The following THRB variants were observed in gnomAD, a reference collection of about 807,000 sequenced individuals.
The protein encoded by THRB is thyroid hormone receptor beta.
In THRB, 12 loss-of-function variants were observed where a neutral mutation model predicts 47.8. That is an observed-to-expected ratio of 0.25 (90% confidence interval 0.16 to 0.41). The LOEUF is 0.41. Among genes scored for constraint, THRB ranks in the 10% least tolerant of loss-of-function variants. The probability of loss-of-function intolerance (pLI) is 1.00; values close to 1 mark genes in which losing one functional copy is unlikely to be tolerated. For synonymous variants in THRB, 218 were observed against 212.2 expected, an observed-to-expected ratio of 1.03 and a Z score of -0.24; for missense variants, 348 against 589.2, an observed-to-expected ratio of 0.59 and a Z score of 4.24.
chr3:24,155,818 A>G (rs1295286972), intron 5 of THRB, among the ~76,000 whole-genome samples: 1 of 152,198 alleles, frequency 6.6e-6, no homozygotes, highest in South Asian at 2.1e-4. Context: ...TACAGACACA[A>G]TCCTGGAAGC....
intron 1 of THRB, among the ~76,000 whole-genome samples, chr3:24,483,128 G>T (rs1560301782): frequency 6.6e-6 from 1 of 151,980 alleles, no homozygotes; most frequent in Non-Finnish European, 1.5e-5. Flanking sequence ...TAGAAGAAAA[G>T]ATTTTCTTTG....
intron 3 of THRB, among the ~76,000 whole-genome samples, chr3:24,231,457 C>A (rs1314798252): frequency 1.3e-5 from 2 of 151,922 alleles, no homozygotes; most frequent in African/African-American, 2.4e-5. Context: ...ACCAATTTTT[C>A]TGTTTAGTAC....
intron 3 of THRB, among the ~76,000 whole-genome samples, chr3:24,265,480 TTATTCAAAATTTTA>T: frequency 6.6e-6 from 1 of 152,220 alleles, no homozygotes; most frequent in Non-Finnish European, 1.5e-5. Context: ...ATATTTAAAT[TTATTCAAAATTTTA>T]TGTTCTAAGT....
At chr3:24,174,187 T>C (rs2040832544) in intron 5 of THRB, among the ~76,000 whole-genome samples, 1 of 152,152 alleles carries the variant, frequency 6.6e-6, no homozygotes, top group African/African-American at 2.4e-5. Context: ...GCCACATTTT[T>C]TTAATAGATG....
rs189206481 is a variant in THRB, at chr3:24,334,520, G to T, written c.-189+2780C>A. On this transcript the variant is annotated intron_variant, in intron 2 of 10. Transcript: ENST00000646209. ...AACATAAAATCCCAAATTAAAGAAA[G>T]GCATCTTTGGGATCCCCGCAGGATG... 5.3e-5 allele frequency among the ~76,000 whole-genome samples: 8 copies of T among 152,324 alleles called. No individual in the cohort carries two copies. The East Asian group carries it at 1.3e-3, about 26-fold the overall frequency.
intron 4 of THRB, among the ~76,000 whole-genome samples, chr3:24,200,756 T>C (rs139401550): frequency 6.6e-6 from 1 of 152,310 alleles, no homozygotes; most frequent in African/African-American, 2.4e-5. Context: ...TTTGGTTTTT[T>C]CTTTGGTTCA....
Position 24,117,459 on chromosome 3 carries a change from C to G in THRB, c.*5425G>C, listed in dbSNP as rs2030875109. 6.6e-6 allele frequency: 1 copy of G among 152,244 alleles called. No homozygotes were observed. The highest frequency in any genetic ancestry group is 6.5e-5 in the Admixed American group (1 of 15,274). 9.4% of individuals were successfully genotyped at this position (152,244 alleles called of 1,614,324 possible). ...CCTGAGGATAAGGTTGGTTATGCATCTGTTTTCCTCACCACAGTGATTGGC... is the reference window on the plus strand; with the variant it reads ...CCTGAGGATAAGGTTGGTTATGCATGTGTTTTCCTCACCACAGTGATTGGC... On this transcript the variant is annotated 3_prime_UTR_variant, in exon 11 of 11. Transcript: ENST00000646209.
intron 8 of THRB, among the ~76,000 whole-genome samples, chr3:24,138,072 A>G (rs929257775): frequency 3.3e-5 from 5 of 152,000 alleles, no homozygotes; most frequent in African/African-American, 1.2e-4. Flanking sequence ...TCTTATGCAA[A>G]TCGTGGCCAA....
intron 1 of THRB, among the ~76,000 whole-genome samples, chr3:24,445,615 A>T (rs542323568): frequency 1.3e-5 from 2 of 152,210 alleles, no homozygotes; most frequent in African/African-American, 2.4e-5. Context: ...AATTTTTTTT[A>T]AAAAACTAAT....
At chr3:24,219,570 C>G (rs568737091) in intron 4 of THRB, among the ~76,000 whole-genome samples, 2 of 152,170 alleles carry the variant, frequency 1.3e-5, no homozygotes, top group Non-Finnish European at 2.9e-5. Flanking sequence ...ACAACAGACA[C>G]CTACACAGTC....
intron 4 of THRB, among the ~76,000 whole-genome samples, chr3:24,209,173 G>A (rs111748154): frequency 3.5e-4 from 53 of 152,196 alleles, no homozygotes; most frequent in Non-Finnish European, 6.5e-4. Flanking sequence ...ATCATTAAAA[G>A]GTCAGGAAAC....
At chr3:24,243,511 C>T (rs1375799479) in intron 3 of THRB, among the ~76,000 whole-genome samples, 2 of 152,000 alleles carry the variant, frequency 1.3e-5, no homozygotes, top group East Asian at 3.9e-4. Context: ...ATGCCTCCAA[C>T]ACCTGCTTGG....
intron 5 of THRB, among the ~76,000 whole-genome samples, chr3:24,183,304 T>C (rs138697185): frequency 6.2e-4 from 94 of 152,082 alleles, no homozygotes; most frequent in African/African-American, 2.1e-3. Flanking sequence ...TCAGGCACTA[T>C]GTTGGGGGCT....
chr3:24,279,499 C>G (rs1281489504), intron 3 of THRB, among the ~76,000 whole-genome samples: 2 of 152,048 alleles, frequency 1.3e-5, no homozygotes, highest in African/African-American at 4.8e-5. Context: ...ATTCTCCTGC[C>G]TCAGCCTCCC....
intron 1 of THRB, among the ~76,000 whole-genome samples, chr3:24,465,313 C>T (rs1296832070): frequency 6.6e-6 from 1 of 152,158 alleles, no homozygotes; most frequent in Non-Finnish European, 1.5e-5. Context: ...TAATTGATTT[C>T]TTTGCAAGTA....
intron 1 of THRB, among the ~76,000 whole-genome samples, chr3:24,376,256 G>A (rs957741152): frequency 6.6e-6 from 1 of 152,200 alleles, no homozygotes; most frequent in East Asian, 1.9e-4. Flanking sequence ...TGATCCTTGA[G>A]AGGAGGAAGA....
At chr3:24,283,213 C>T (rs1409436576) in intron 3 of THRB, among the ~76,000 whole-genome samples, 1 of 152,154 alleles carries the variant, frequency 6.6e-6, no homozygotes, top group African/African-American at 2.4e-5. Context: ...AATCCAGCAG[C>T]ACATCAAAAA....
At chr3:24,374,480 GT>G in intron 1 of THRB, among the ~76,000 whole-genome samples, 1 of 152,138 alleles carries the variant, frequency 6.6e-6, no homozygotes, top group East Asian at 1.9e-4. Flanking sequence ...TTACAATGTT[GT>G]TTTAAAGACG....
intron 1 of THRB, among the ~76,000 whole-genome samples, chr3:24,388,112 T>C (rs1050889031): frequency 3.3e-5 from 5 of 152,176 alleles, no homozygotes; most frequent in African/African-American, 9.6e-5. Context: ...CTGATGCATA[T>C]TCCTTTGGCT....
Sources: gnomAD v4.1 joint callset for allele counts (sites outside exome capture counted in the v4.1 genomes callset) on GRCh38, gnomAD v4.1.1 for gene constraint, MANE v1.5 for transcripts, NCBI Gene and HGNC (gene_info 2026-07-23, HGNC 2026-07-21) for gene names.